ELOVL2: variants seen among roughly 807,000 people sequenced by gnomAD.
The protein encoded by ELOVL2 is very long chain fatty acid elongase 2.
A neutral mutation model predicts 37.7 loss-of-function variants in ELOVL2; 38 were observed. The ratio of observed to expected loss-of-function variants is 1.01; its 90% confidence interval spans 0.78 to 1.32. ELOVL2 has a LOEUF of 1.32. Ranked by LOEUF, ELOVL2 falls within the 40% of genes most tolerant of loss-of-function variation. The pLI, the probability that ELOVL2 is intolerant of heterozygous loss-of-function variation, is 0.00. For missense variants in ELOVL2, 352 were observed against 363.6 expected (o/e 0.97, Z 0.26); for synonymous variants, 115 against 122.3 (o/e 0.94, Z 0.40).
intron 2 of ELOVL2, among the ~76,000 whole-genome samples, chr6:11,007,270 A>C (rs776664807): frequency 6.6e-6 from 1 of 152,234 alleles, no homozygotes; most frequent in Non-Finnish European, 1.5e-5. Flanking sequence ...GTATCTGTGA[A>C]TGTGACATTA....
intron 4 of ELOVL2, among the ~76,000 whole-genome samples, chr6:10,997,305 A>G (rs947499086): frequency 6.6e-6 from 1 of 152,098 alleles, no homozygotes; most frequent in Non-Finnish European, 1.5e-5. Context: ...TGATAGGGAG[A>G]CTTTTTAACA....
intron 1 of ELOVL2, among the ~76,000 whole-genome samples, chr6:11,035,462 C>T (rs981295223): frequency 6.6e-6 from 1 of 152,166 alleles, no homozygotes; most frequent in Non-Finnish European, 1.5e-5. Context: ...TCCTTTCACA[C>T]AATCGGTTTC....
chr6:10,989,978 C>T (rs979948178), intron 6 of ELOVL2, 141 bp from the exon 7 acceptor site: 5 of 931,730 alleles, frequency 5.4e-6, no homozygotes, highest in South Asian at 2.0e-5. Context: ...CTGAAGCAGC[C>T]CCCTCATCCA....
chr6:11,005,244 T>A, intron 3 of ELOVL2, 128 bp downstream of exon 3: 1 of 743,856 alleles, frequency 1.3e-6, no homozygotes, highest in Non-Finnish European at 2.1e-6. Flanking sequence ...AAGAATAATA[T>A]CAAATGCTGG....
chr6:11,029,223 C>CAAAAAA (rs376639413), intron 1 of ELOVL2, among the ~76,000 whole-genome samples: 1,988 of 75,524 alleles, frequency 0.026, 131 homozygotes, highest in African/African-American at 0.05. Flanking sequence ...AGGGAGATCT[C>CAAAAAA]AAAAAAAAAA....
intron 2 of ELOVL2, among the ~76,000 whole-genome samples, chr6:11,010,023 C>CT (rs150370092): frequency 0.19 from 24,976 of 132,940 alleles, 2,994 homozygotes; most frequent in East Asian, 0.45. Context: ...GCGCACACAT[C>CT]TTTTTTTTTT....
chr6:11,034,740 G>T (rs987450622), intron 1 of ELOVL2, among the ~76,000 whole-genome samples: 2 of 141,342 alleles, frequency 1.4e-5, no homozygotes, highest in Non-Finnish European at 3.1e-5. Flanking sequence ...TGGTGGCTCA[G>T]GCCTGTAATC....
chr6:11,027,806 G>A (rs1452635569), intron 1 of ELOVL2, among the ~76,000 whole-genome samples: 1 of 152,078 alleles, frequency 6.6e-6, no homozygotes, highest in East Asian at 1.9e-4. Flanking sequence ...CTTTCCACAA[G>A]CACTAACTGA....
intron 1 of ELOVL2, among the ~76,000 whole-genome samples, chr6:11,027,367 C>T (rs1487760295): frequency 3.3e-5 from 5 of 152,020 alleles, no homozygotes; most frequent in Non-Finnish European, 5.9e-5. Flanking sequence ...TATTGGCTCT[C>T]GTCATATGGG....
intron 7 of ELOVL2, among the ~76,000 whole-genome samples, chr6:10,984,360 A>AT (rs1400959402): frequency 6.6e-6 from 1 of 151,908 alleles, no homozygotes; most frequent in African/African-American, 2.4e-5. Flanking sequence ...TATATATTAT[A>AT]TTTTTTATTA....
chr6:11,044,123 GCAGCGCCCGCGC>G lies in ELOVL2; in HGVS notation c.3+93_3+104del. ...GGTAGCGGGTTCCAGCGGCGAACCC[GCAGCGCCCGCGC>G]CGGCGCCCGCTCGGCCCTTTCCCGC... On this transcript the variant is annotated intron_variant, in intron 1 of 7. Coordinates refer to ENST00000354666, the MANE Select transcript of ELOVL2 (RefSeq NM_017770.4). This position sits in a 1 kb window ranked among gnomAD's most constrained non-coding sequence, Gnocchi z 5.6. 7.6e-7 allele frequency: 1 copy of G among 1,312,404 alleles called. No homozygotes were observed. The highest frequency in any genetic ancestry group is 9.9e-7 in the Non-Finnish European group (1 of 1,015,032). The allele number at this position is 1,312,404 out of a possible 1,614,324, so 81.3% of individuals were successfully genotyped here. A position where few individuals can be genotyped will look rare whatever the true frequency, so the allele number is the denominator to read the frequency against.
At chr6:11,014,159 A>G (rs1426461918) in intron 1 of ELOVL2, among the ~76,000 whole-genome samples, 1 of 152,230 alleles carries the variant, frequency 6.6e-6, no homozygotes, top group Non-Finnish European at 1.5e-5. Flanking sequence ...GTAGGAATGT[A>G]AAATGGTACA....
At chr6:11,012,853 T>A (rs1319390737) in intron 1 of ELOVL2, among the ~76,000 whole-genome samples, 2 of 152,228 alleles carry the variant, frequency 1.3e-5, no homozygotes, top group African/African-American at 4.8e-5. Context: ...GTCCTTATCG[T>A]CACAGAGTTC....
intron 1 of ELOVL2, among the ~76,000 whole-genome samples, chr6:11,037,920 C>T (rs1783039763): frequency 1.3e-5 from 2 of 152,128 alleles, no homozygotes; most frequent in African/African-American, 2.4e-5. Flanking sequence ...CTATCCATCC[C>T]TGTAATTTAT....
rs1581873530 is a variant in ELOVL2, at chr6:11,014,329, A to G, written c.4-3520T>C. Among the ~76,000 whole-genome samples, 3 of 151,892 alleles carry G rather than the reference A, an allele frequency of 2.0e-5. No homozygotes were observed. The East Asian group carries it at 5.8e-4, about 29-fold the overall frequency. On this transcript the variant is annotated intron_variant, in intron 1 of 7. Transcript: ENST00000354666. ...CCTCAGCTCTACTAAATATACAAAAATTGGCCGGGCGTGGTGGTGCACACC... is the reference window on the plus strand; with the variant it reads ...CCTCAGCTCTACTAAATATACAAAAGTTGGCCGGGCGTGGTGGTGCACACC...
At chr6:10,986,083 C>T (rs1297547082) in intron 7 of ELOVL2, among the ~76,000 whole-genome samples, 1 of 152,110 alleles carries the variant, frequency 6.6e-6, no homozygotes, top group African/African-American at 2.4e-5. Context: ...AAGTTGGATT[C>T]CTAGGTATCT....
chr6:11,034,770 A>T (rs2113563822), intron 1 of ELOVL2, among the ~76,000 whole-genome samples: 1 of 152,134 alleles, frequency 6.6e-6, no homozygotes, highest in East Asian at 1.9e-4. Context: ...TGGGAGGCCG[A>T]GGCGGGTGGA....
intron 4 of ELOVL2, among the ~76,000 whole-genome samples, chr6:10,996,135 A>T (rs977938390): frequency 3.3e-5 from 5 of 152,196 alleles, no homozygotes; most frequent in African/African-American, 1.2e-4. Context: ...TAAACATAAG[A>T]TATTTTTAAA....
At chr6:11,039,032 A>G (rs1783059501) in intron 1 of ELOVL2, among the ~76,000 whole-genome samples, 1 of 152,196 alleles carries the variant, frequency 6.6e-6, no homozygotes, top group Non-Finnish European at 1.5e-5. Flanking sequence ...GTTTTAGTAG[A>G]GTGGTTAGGG....
Sources: gnomAD v4.1 joint callset for allele counts (sites outside exome capture counted in the v4.1 genomes callset) on GRCh38, gnomAD v4.1.1 for gene constraint, Gnocchi (gnomAD v3.1) non-coding constraint, MANE v1.5 for transcripts, NCBI Gene and HGNC (gene_info 2026-07-23, HGNC 2026-07-21) for gene names.